Variants in PCDHGB4 observed in about 807,000 individuals in gnomAD.
PCDHGB4 encodes protocadherin gamma-B4.
PCDHGB4 carries 38 observed loss-of-function variants against 60.5 expected under a neutral mutation model. The ratio of observed to expected loss-of-function variants is 0.63; its 90% CI spans 0.48 to 0.82. The LOEUF (loss-of-function observed/expected upper bound fraction) is 0.82. Ranked by LOEUF, PCDHGB4 falls within the 40% of genes least tolerant of loss-of-function variation. The pLI is 0.00. For synonymous variants in PCDHGB4, 456 were observed against 509.7 expected (o/e 0.89, Z 1.42); for missense variants, 1,109 against 1,209.6 (o/e 0.92, Z 1.23).
Position 141,486,914 on chromosome 5 carries a change from C to T in PCDHGB4, c.2398-7893C>T, listed in dbSNP as rs1469857080. On this transcript the variant is annotated intron_variant, in intron 1 of 3. Coordinates refer to ENST00000519479, the MANE Select transcript of PCDHGB4 (RefSeq NM_003736.4). This position sits in a 1 kb window ranked among gnomAD's most constrained non-coding sequence, Gnocchi z 5.0. ...TGGTTCCTTATGTCCCCAAGCACTG[C>T]CTCCATCAGTTGGTGCTGGCCACCT... The T allele has an allele frequency of 6.2e-7, 1 of 1,614,236 alleles. No individual in the cohort carries two copies.
At chr5:141,439,029 G>A (rs2098083069) in intron 1 of PCDHGB4, among the ~76,000 whole-genome samples, 1 of 151,510 alleles carries the variant, frequency 6.6e-6, no homozygotes, top group Non-Finnish European at 1.5e-5. Flanking sequence ...GAAAATAGAT[G>A]CCTCAGTTCA....
At chr5:141,393,307 A>C (rs1394490963) in intron 1 of PCDHGB4, 3 of 1,613,594 alleles carry the variant, frequency 1.9e-6, no homozygotes, top group South Asian at 2.2e-5. Context: ...GTGGGCGTGA[A>C]CTCCCTCCAG....
chr5:141,394,405 T>C, intron 1 of PCDHGB4: 2 of 1,614,222 alleles, frequency 1.2e-6, no homozygotes, highest in Non-Finnish European at 1.7e-6. Context: ...CTGCAGCTAC[T>C]GGTAACAGCC....
chr5:141,500,084 C>T (rs1354544132), intron 2 of PCDHGB4, among the ~76,000 whole-genome samples: 1 of 152,030 alleles, frequency 6.6e-6, no homozygotes, highest in Non-Finnish European at 1.5e-5. Flanking sequence ...CCTCCATCTT[C>T]CATTTTTGCA....
At chr5:141,393,303 G>C in intron 1 of PCDHGB4, 1 of 1,613,764 alleles carries the variant, frequency 6.2e-7, no homozygotes, top group Non-Finnish European at 8.5e-7. Context: ...GGATGTGGGC[G>C]TGAACTCCCT....
At chr5:141,423,257 G>A in intron 1 of PCDHGB4, 2 of 1,613,946 alleles carry the variant, frequency 1.2e-6, no homozygotes, top group Non-Finnish European at 1.7e-6. Context: ...GCGGACCTCG[G>A]CAGCCTCGAG....
rs769160604 is a variant in PCDHGB4 at position 141,388,657 on chromosome 5, G to T, written c.773G>T (p.Gly258Val). The T allele has an allele frequency of 6.8e-6, 11 of 1,613,878 alleles. No individual in the cohort carries two copies. The highest frequency in any genetic ancestry group is 1.7e-5 in the Admixed American group (1 of 60,018). The part of the protein sequence containing the change: ...RVSLSENVYP[G>V]TTVLQVTATD... Reference sequence around the variant, plus strand: ...AGCCTTTCAGAAAACGTGTACCCGGGGACCACGGTGCTACAGGTGACTGCC... The same window carrying T: ...AGCCTTTCAGAAAACGTGTACCCGGTGACCACGGTGCTACAGGTGACTGCC... The change falls in exon 1 of 4, where the codon GGG becomes GTG. Residue 258 changes from glycine to valine, a missense_variant. Gly to Val is a moderately radical substitution (Grantham distance 109, BLOSUM62 -3). This residue lies in a region of PCDHGB4 where 1,068 missense variants were observed against 1,089.9 expected (regional missense o/e 0.98). Coordinates refer to ENST00000519479, the MANE Select transcript of PCDHGB4 (RefSeq NM_003736.4).
rs771088007 is a variant in PCDHGB4, at chr5:141,423,000, G to A, written c.2397+32719G>A. On this transcript the variant is annotated intron_variant, in intron 1 of 3. Transcript: ENST00000519479. ...CGGAACCTGGCTACCTGGTGACCAA[G>A]GTGGTTGCGGTGGACAAAGATTCAG... The A allele has an allele frequency of 9.3e-6, 15 of 1,614,116 alleles. No homozygotes were observed. The African/African-American group carries it at 1.9e-4, about 20-fold the overall frequency.
intron 1 of PCDHGB4, among the ~76,000 whole-genome samples, chr5:141,481,555 C>T (rs1013876865): frequency 3.3e-5 from 5 of 152,164 alleles, no homozygotes; most frequent in South Asian, 2.1e-4. Flanking sequence ...CAGTGGCTCA[C>T]GCCTGTAATC....
Position 141,485,331 on chromosome 5 carries a change from T to C in PCDHGB4, c.2398-9476T>C, listed in dbSNP as rs1203054851. On this transcript the variant is annotated intron_variant, in intron 1 of 3. Transcript: ENST00000519479. This position sits in a 1 kb window ranked among gnomAD's most constrained non-coding sequence, Gnocchi z 5.7. Reference sequence around the variant, plus strand: ...GTAGGGAATGTCGCTCAAGATTTCCTGCTGGATACGGACAGTCTGTCAGCT... The same window carrying C: ...GTAGGGAATGTCGCTCAAGATTTCCCGCTGGATACGGACAGTCTGTCAGCT... 6.2e-7 allele frequency: 1 copy of C among 1,614,048 alleles called. No individual in the cohort carries two copies. Among genetic ancestry groups the C allele is most frequent in the African/African-American group, 1.3e-5 (1 of 74,902 alleles).
At position 141,432,871 on chromosome 5, in the gene PCDHGB4, C is replaced by T. The variant is rs1190891661; in HGVS notation, c.2397+42590C>T. On this transcript the variant is annotated intron_variant, in intron 1 of 3. Transcript: ENST00000519479. This position sits in a 1 kb window ranked among gnomAD's most constrained non-coding sequence, Gnocchi z 6.0. ...CGGTGGCCGCGGTCTCCTGCGTCTT[C>T]CTGGCCTTCGTCATCTTGCTGCTGG... 1 of 1,614,216 alleles carries T rather than the reference C, an allele frequency of 6.2e-7. No homozygotes were observed. Among genetic ancestry groups the T allele is most frequent in the Non-Finnish European group, 8.5e-7 (1 of 1,180,018 alleles).
chr5:141,490,906 G>C lies in PCDHGB4; in HGVS notation c.2398-3901G>C. On this transcript the variant is annotated intron_variant, in intron 1 of 3. Transcript: ENST00000519479. The surrounding 1 kb of genome is among the most constrained non-coding windows in gnomAD (Gnocchi z 5.4). ...CACATCTCTGCATGTGTTTGTCCTA[G>C]ACGAGAATGATAATGCCCCAGCTGT... The C allele has an allele frequency of 1.9e-6, 3 of 1,613,798 alleles. No individual in the cohort carries two copies. The highest frequency in any genetic ancestry group is 2.5e-6 in the Non-Finnish European group (3 of 1,179,808).
At chr5:141,424,762 A>T (rs1002777641) in intron 1 of PCDHGB4, 8 of 152,124 alleles carry the variant, frequency 5.3e-5, no homozygotes, top group African/African-American at 1.9e-4. Context: ...GGTCATTCTT[A>T]TGGCAAATAG....
At chr5:141,446,830 A>G (rs1289946397) in intron 1 of PCDHGB4, among the ~76,000 whole-genome samples, 1 of 152,176 alleles carries the variant, frequency 6.6e-6, no homozygotes, top group Non-Finnish European at 1.5e-5. Flanking sequence ...GTAGATCCTT[A>G]TAAGGCTGAG....
Position 141,487,003 on chromosome 5 carries a change from C to T in PCDHGB4, c.2398-7804C>T. The stretch of plus-strand genomic sequence containing the variant: ...ACAATGCTTGGGTTTCCTATCAGCT[C>T]CTGGAGGCCCCAGATCCCAGCCTGT... On this transcript the variant is annotated intron_variant, in intron 1 of 3. Transcript: ENST00000519479. The surrounding 1 kb of genome is among the most constrained non-coding windows in gnomAD (Gnocchi z 5.0). 1 of 1,614,228 alleles carries T rather than the reference C, an allele frequency of 6.2e-7. No homozygotes were observed.
chr5:141,449,916 T>C (rs1453191109), intron 1 of PCDHGB4, among the ~76,000 whole-genome samples: 1 of 151,912 alleles, frequency 6.6e-6, no homozygotes, highest in East Asian at 1.9e-4. Context: ...CATATTTAAA[T>C]TCTACCATAC....
chr5:141,487,933 A>ACCCTGTG lies in PCDHGB4; in HGVS notation c.2398-6873_2398-6872insCCTGTGC. 1.6e-6 allele frequency: 1 copy of ACCCTGTG among 612,004 alleles called. No individual in the cohort carries two copies. The highest frequency in any genetic ancestry group is 1.8e-5 in the African/African-American group (1 of 54,216). The allele number at this position is 612,004 out of a possible 1,614,324, so 37.9% of individuals were successfully genotyped here. On this transcript the variant is annotated intron_variant, in intron 1 of 3. Coordinates refer to ENST00000519479, the MANE Select transcript of PCDHGB4 (RefSeq NM_003736.4). The surrounding 1 kb of genome is among the most constrained non-coding windows in gnomAD (Gnocchi z 5.0). ...CACAGGAGGCTACAGTGCACAGGGT[A>ACCCTGTG]CAGTGCACCAGGCAGTCACTTGGAC... is the stretch of plus-strand genomic sequence containing the variant.
chr5:141,432,991 CG>C lies in PCDHGB4; in HGVS notation c.2397+42714del. 1.9e-6 allele frequency: 3 copies of C among 1,614,200 alleles called. No homozygotes were observed. Among genetic ancestry groups the C allele is most frequent in the Non-Finnish European group, 2.5e-6 (3 of 1,180,030 alleles). On this transcript the variant is annotated intron_variant, in intron 1 of 3. Transcript: ENST00000519479. This position sits in a 1 kb window ranked among gnomAD's most constrained non-coding sequence, Gnocchi z 6.0. ...CGGCGTCGCACTTTGTGGGCGTGGACGGGGTGCAGGCTTTCCTGCAGACCTA... is the reference window on the plus strand; with the variant it reads ...CGGCGTCGCACTTTGTGGGCGTGGACGGGTGCAGGCTTTCCTGCAGACCTA...
intron 1 of PCDHGB4, chr5:141,442,134 AG>A (rs1365375748): frequency 6.1e-6 from 1 of 163,744 alleles, no homozygotes; most frequent in African/African-American, 2.4e-5. Context: ...AGCCTGCAGG[AG>A]ACTCTGCCAG....
Sources: gnomAD v4.1 joint callset for allele counts (sites outside exome capture counted in the v4.1 genomes callset) on GRCh38, gnomAD v4.1.1 for gene constraint, gnomAD v4.1.1 regional missense constraint, Gnocchi (gnomAD v3.1) non-coding constraint, MANE v1.5 for transcripts, NCBI Gene and HGNC (gene_info 2026-07-23, HGNC 2026-07-21) for gene names.